The following ERAP1 variants were observed in gnomAD, a reference collection of about 807,000 sequenced individuals.
ERAP1 encodes endoplasmic reticulum aminopeptidase 1.
ERAP1 carries 86 observed loss-of-function variants against 103.7 expected under a neutral mutation model. That is an observed-to-expected ratio of 0.83 (90% CI 0.70 to 0.99). The LOEUF is 0.99. Ranked by LOEUF, ERAP1 falls within the 50% of genes least tolerant of loss-of-function variation. The pLI, the probability that ERAP1 is intolerant of heterozygous loss-of-function variation, is 0.00. For missense variants in ERAP1, 1,009 were observed against 1,128.4 expected (o/e 0.89, Z 1.52); for synonymous variants, 398 against 402.4 (o/e 0.99, Z 0.13).
chr5:96,837,406 G>A, the ERAP1 span, among the ~76,000 whole-genome samples: 1 of 152,156 alleles, frequency 6.6e-6, no homozygotes, highest in Admixed American at 6.5e-5. Context: ...AAATTTCCCC[G>A]ACCCCTTCGT....
At chr5:96,873,580 A>G in the ERAP1 span, 3 of 419,166 alleles carry the variant, frequency 7.2e-6, no homozygotes, top group Non-Finnish European at 1.4e-5. Flanking sequence ...GTCAATGGAG[A>G]GGAAGGTGCA....
At chr5:96,879,313 G>T in the ERAP1 span, among the ~76,000 whole-genome samples, 1 of 152,168 alleles carries the variant, frequency 6.6e-6, no homozygotes, top group East Asian at 1.9e-4. Flanking sequence ...CCTTCTGCTC[G>T]CTGCACAAGA....
the ERAP1 span, among the ~76,000 whole-genome samples, chr5:96,930,985 GGCAAA>G: frequency 6.6e-6 from 1 of 152,058 alleles, no homozygotes; most frequent in Non-Finnish European, 1.5e-5. Flanking sequence ...GGCTGGACTG[GGCAAA>G]GCATATCATG....
At chr5:96,809,516 T>A (rs1779020263), upstream of ERAP1, among the ~76,000 whole-genome samples, 1 of 152,146 alleles carries the variant, frequency 6.6e-6, no homozygotes, top group Admixed American at 6.5e-5. Flanking sequence ...TTTTTTTCAA[T>A]ATTATGTTTC....
chr5:96,764,921 C>T (rs1412869552), intron 19 of ERAP1, among the ~76,000 whole-genome samples: 2 of 152,120 alleles, frequency 1.3e-5, no homozygotes, highest in Admixed American at 6.5e-5. Context: ...GGATATGGCT[C>T]CTGAGGCTGC....
the ERAP1 span, chr5:96,915,818 T>G: frequency 2.8e-6 from 4 of 1,442,826 alleles, no homozygotes; most frequent in South Asian, 3.7e-5. Flanking sequence ...GTTCAAATTG[T>G]GGAATTGAAA....
chr5:96,853,158 G>A, the ERAP1 span, among the ~76,000 whole-genome samples: 1 of 152,092 alleles, frequency 6.6e-6, no homozygotes, highest in Non-Finnish European at 1.5e-5. Context: ...AGGGATCAAG[G>A]CCAGAGACTC....
At chr5:96,843,474 G>A in the ERAP1 span, among the ~76,000 whole-genome samples, 2 of 152,196 alleles carry the variant, frequency 1.3e-5, no homozygotes, top group African/African-American at 4.8e-5. Context: ...GTTGCAGGAG[G>A]GGACCAGAGG....
At chr5:96,796,474 T>C (rs774480569) in intron 4 of ERAP1, among the ~76,000 whole-genome samples, 4 of 152,362 alleles carry the variant, frequency 2.6e-5, no homozygotes, top group Admixed American at 2.6e-4. Flanking sequence ...TGCCAGATAG[T>C]AACATTTACT....
intron 10 of ERAP1, among the ~76,000 whole-genome samples, chr5:96,789,563 G>A (rs1776491624): frequency 6.6e-6 from 1 of 152,024 alleles, no homozygotes; most frequent in Non-Finnish European, 1.5e-5. Context: ...GCAGTCTCTA[G>A]GAACAAAAAA....
At chr5:96,909,232 A>G in the ERAP1 span, 1 of 931,830 alleles carries the variant, frequency 1.1e-6, no homozygotes, top group African/African-American at 1.7e-5. Flanking sequence ...AGCTCGGGGG[A>G]CTGACTGATA....
At chr5:96,807,596 C>T (rs1778785079) in intron 1 of ERAP1, among the ~76,000 whole-genome samples, 1 of 152,136 alleles carries the variant, frequency 6.6e-6, no homozygotes, top group African/African-American at 2.4e-5. Flanking sequence ...GGTGGGCCCG[C>T]CGCCAACCCG....
chr5:96,852,330 CTGTGTG>C, the ERAP1 span, among the ~76,000 whole-genome samples: 1 of 152,178 alleles, frequency 6.6e-6, no homozygotes, highest in Non-Finnish European at 1.5e-5. Context: ...CCTCTCCCAT[CTGTGTG>C]TAATATTCAG....
chr5:96,797,949 T>C (rs1359812317), intron 3 of ERAP1, among the ~76,000 whole-genome samples: 4 of 152,204 alleles, frequency 2.6e-5, no homozygotes, highest in Admixed American at 6.5e-5. Context: ...GGCAATGCAA[T>C]GTCGAGCTGT....
In ERAP1 at chr5:96,788,654, G is replaced by T. The variant is rs2150944362; in HGVS notation, c.1556C>A (p.Thr519Asn). 2 of 1,614,132 alleles carry T rather than the reference G, an allele frequency of 1.2e-6. No homozygotes were observed. Among genetic ancestry groups the T allele is most frequent in the South Asian group, 1.1e-5 (1 of 91,080 alleles). The change falls in exon 11 of 19, where the codon ACC becomes AAC. Residue 519 changes from threonine to asparagine, a missense_variant. Coordinates refer to ENST00000443439, the MANE Select transcript of ERAP1 (RefSeq NM_001040458.3). ...CTGCAGTGTCCAAGTGTTCATCATG[G>T]TTTTCACATCCACCCCTTCCTGATG... ...HWHQEGVDVK[T>N]MMNTWTLQKG...
the ERAP1 span, among the ~76,000 whole-genome samples, chr5:96,867,553 G>A: frequency 5.9e-5 from 9 of 152,238 alleles, no homozygotes; most frequent in South Asian, 1.0e-3. Flanking sequence ...ATTGGATGCT[G>A]GCTGTCACCT....
chr5:96,878,955 G>A, the ERAP1 span, among the ~76,000 whole-genome samples: 87,806 of 151,934 alleles, frequency 0.58, 25,607 homozygotes, highest in Middle Eastern at 0.68. Context: ...TAAAAATAAA[G>A]TAGGCTGGTC....
chr5:96,893,285 G>A, the ERAP1 span, among the ~76,000 whole-genome samples: 3 of 152,122 alleles, frequency 2.0e-5, no homozygotes, highest in Non-Finnish European at 2.9e-5. Context: ...TTCACCAAGT[G>A]GGCAAATATC....
intron 4 of ERAP1, 67 bp downstream of exon 4, chr5:96,797,108 A>G (rs1398184081): frequency 1.9e-6 from 3 of 1,604,084 alleles, no homozygotes; most frequent in Admixed American, 1.7e-5. Flanking sequence ...GCAGACTTCC[A>G]GTTTTAAAAC....
Sources: gnomAD v4.1 joint callset for allele counts (sites outside exome capture counted in the v4.1 genomes callset) on GRCh38, gnomAD v4.1.1 for gene constraint, MANE v1.5 for transcripts, NCBI Gene and HGNC (gene_info 2026-07-23, HGNC 2026-07-21) for gene names.